Variants in FILIP1L observed in about 807,000 individuals in gnomAD.
FILIP1L encodes filamin A-interacting protein 1-like.
In FILIP1L, 55 loss-of-function variants were observed where a neutral mutation model predicts 96.6. The ratio of observed to expected loss-of-function variants is 0.57; its 90% CI spans 0.46 to 0.71. The LOEUF is 0.71. Ranked by LOEUF, FILIP1L falls within the 30% of genes least tolerant of loss-of-function variation. FILIP1L has a pLI of 0.00. For missense variants in FILIP1L, 1,304 were observed against 1,321.2 expected, an observed-to-expected ratio of 0.99 and a Z score of 0.20; for synonymous variants, 467 against 473.9, an observed-to-expected ratio of 0.99 and a Z score of 0.19.
intron 1 of FILIP1L, among the ~76,000 whole-genome samples, chr3:99,966,013 T>C (rs1708640546): frequency 6.6e-6 from 1 of 152,184 alleles, no homozygotes; most frequent in Admixed American, 6.5e-5. Flanking sequence ...CTGGGTCTTT[T>C]CTTCAGCCTC....
chr3:99,925,043 G>C (rs1207987854), intron 3 of FILIP1L, among the ~76,000 whole-genome samples: 2 of 152,114 alleles, frequency 1.3e-5, no homozygotes, highest in Admixed American at 1.3e-4. Context: ...GGAAGTAAGA[G>C]AATCCTTGCA....
chr3:99,942,356 A>C (rs1707875416), intron 1 of FILIP1L, among the ~76,000 whole-genome samples: 1 of 152,236 alleles, frequency 6.6e-6, no homozygotes, highest in African/African-American at 2.4e-5. Flanking sequence ...AATACTCCAG[A>C]AAAAAATAAT....
chr3:99,967,871 G>T (rs993118134), intron 1 of FILIP1L, among the ~76,000 whole-genome samples: 1 of 152,194 alleles, frequency 6.6e-6, no homozygotes, highest in African/African-American at 2.4e-5. Flanking sequence ...GCTCAGGAAA[G>T]TTAACCTGGT....
chr3:100,028,114 T>C (rs1244370149), intron 1 of FILIP1L, among the ~76,000 whole-genome samples: 1 of 152,224 alleles, frequency 6.6e-6, no homozygotes, highest in East Asian at 1.9e-4. Context: ...AACTAACATT[T>C]ATTAAACACT....
chr3:100,082,092 C>T (rs1280781601), intron 1 of FILIP1L, among the ~76,000 whole-genome samples: 2 of 152,160 alleles, frequency 1.3e-5, no homozygotes, highest in Admixed American at 1.3e-4. Flanking sequence ...TGGCATGTTC[C>T]TAGACATTTT....
chr3:99,905,613 T>C (rs1706589653), intron 4 of FILIP1L, among the ~76,000 whole-genome samples: 1 of 152,222 alleles, frequency 6.6e-6, no homozygotes, highest in African/African-American at 2.4e-5. Context: ...CTTTTACATA[T>C]GTGTGTACTA....
At chr3:99,982,644 C>T (rs1022582199) in intron 1 of FILIP1L, among the ~76,000 whole-genome samples, 1 of 152,082 alleles carries the variant, frequency 6.6e-6, no homozygotes, top group Non-Finnish European at 1.5e-5. Context: ...ATGCCTGGCC[C>T]ATTCAGCTAA....
At chr3:99,996,542 T>C (rs555253404) in intron 1 of FILIP1L, among the ~76,000 whole-genome samples, 3 of 152,266 alleles carry the variant, frequency 2.0e-5, no homozygotes, top group African/African-American at 7.2e-5. Context: ...CCAGTACCAA[T>C]TGACTGTATT....
chr3:100,018,124 C>T (rs1020913191), intron 1 of FILIP1L, among the ~76,000 whole-genome samples: 2 of 152,050 alleles, frequency 1.3e-5, no homozygotes, highest in Non-Finnish European at 1.5e-5. Flanking sequence ...GTCAAGAGAT[C>T]GAGACCATCT....
chr3:99,910,498 T>C lies in FILIP1L; in HGVS notation c.605+13732A>G, dbSNP rs1465837598. Reference sequence around the variant, plus strand: ...AGTAAACAAACACATGTCTTCACAGTTGTTAGGTGCTAGGTGAAGTGGCAG... The same window carrying C: ...AGTAAACAAACACATGTCTTCACAGCTGTTAGGTGCTAGGTGAAGTGGCAG... On this transcript the variant is annotated intron_variant, in intron 4 of 5. Transcript: ENST00000477258. Among the ~76,000 whole-genome samples the C allele has an allele frequency of 1.5e-5, 2 of 136,752 alleles. 1 individual carries two copies. The highest frequency in any genetic ancestry group is 3.3e-5 in the Non-Finnish European group (2 of 59,714). 89.7% of individuals were successfully genotyped at this position (136,752 alleles called of 152,430 possible).
chr3:100,091,178 G>A (rs1438997598), intron 1 of FILIP1L, among the ~76,000 whole-genome samples: 1 of 151,736 alleles, frequency 6.6e-6, no homozygotes, highest in East Asian at 1.9e-4. Flanking sequence ...CCAGCTACTC[G>A]GGAGGCTGAG....
At chr3:100,061,560 T>G (rs2065566922) in intron 1 of FILIP1L, among the ~76,000 whole-genome samples, 1 of 152,238 alleles carries the variant, frequency 6.6e-6, no homozygotes, top group African/African-American at 2.4e-5. Flanking sequence ...TGGAACTTTT[T>G]TAAAAAATTG....
chr3:99,946,829 T>C (rs1168172956), intron 1 of FILIP1L, among the ~76,000 whole-genome samples: 4 of 152,144 alleles, frequency 2.6e-5, no homozygotes, highest in Non-Finnish European at 4.4e-5. Flanking sequence ...GGCTCTATAC[T>C]ACAAAGTACC....
intron 1 of FILIP1L, among the ~76,000 whole-genome samples, chr3:100,110,398 C>G (rs1161849680): frequency 6.6e-6 from 1 of 152,070 alleles, no homozygotes; most frequent in Admixed American, 6.6e-5. Context: ...ACAGAAGCAG[C>G]TTTATCCCGT....
At chr3:100,054,181 G>A (rs1487798296) in intron 1 of FILIP1L, among the ~76,000 whole-genome samples, 1 of 152,210 alleles carries the variant, frequency 6.6e-6, no homozygotes, top group Non-Finnish European at 1.5e-5. Context: ...CCATTGTACT[G>A]TGAAGGAGGT....
intron 1 of FILIP1L, among the ~76,000 whole-genome samples, chr3:100,067,329 G>A (rs1474275365): frequency 6.6e-6 from 1 of 152,204 alleles, no homozygotes; most frequent in Non-Finnish European, 1.5e-5. Context: ...TACCTATGGT[G>A]CAGGTGAAAG....
At chr3:99,894,369 A>G (rs1029247880) in intron 4 of FILIP1L, among the ~76,000 whole-genome samples, 2 of 152,214 alleles carry the variant, frequency 1.3e-5, no homozygotes, top group Admixed American at 1.3e-4. Context: ...GTCTGGTGCC[A>G]GGTCTGGCCA....
intron 4 of FILIP1L, among the ~76,000 whole-genome samples, chr3:99,880,627 AATG>A (rs1270491362): frequency 6.6e-6 from 1 of 152,128 alleles, no homozygotes; most frequent in Non-Finnish European, 1.5e-5. Context: ...AAAACATTAA[AATG>A]ATGATATTTT....
At chr3:99,869,941 A>C (rs940250879) in intron 4 of FILIP1L, among the ~76,000 whole-genome samples, 1 of 152,122 alleles carries the variant, frequency 6.6e-6, no homozygotes, top group African/African-American at 2.4e-5. Flanking sequence ...AGTGATTTGG[A>C]GCTCTCACAG....
Sources: gnomAD v4.1 joint callset for allele counts (sites outside exome capture counted in the v4.1 genomes callset) on GRCh38, gnomAD v4.1.1 for gene constraint, MANE v1.5 for transcripts, NCBI Gene and HGNC (gene_info 2026-07-23, HGNC 2026-07-21) for gene names.